The following ANKRD1 variants were observed in gnomAD, a reference collection of about 807,000 sequenced individuals.
ANKRD1 encodes ankyrin repeat domain-containing protein 1.
ANKRD1 carries 32 observed loss-of-function variants against 40.1 expected under a neutral mutation model. That is an observed-to-expected ratio of 0.80 (90% CI 0.60 to 1.07). ANKRD1 has a LOEUF of 1.07. Ranked by LOEUF, ANKRD1 falls within the 50% of genes least tolerant of loss-of-function variation. The probability of loss-of-function intolerance (pLI) is 0.00; values close to 1 mark genes in which losing one functional copy is unlikely to be tolerated. For synonymous variants in ANKRD1, 149 were observed against 141.2 expected, an observed-to-expected ratio of 1.06 and a Z score of -0.39; for missense variants, 359 against 386.0, an observed-to-expected ratio of 0.93 and a Z score of 0.59.
chr10:90,912,715 T>G lies in ANKRD1; in HGVS notation c.*151A>C. 1.3e-6 allele frequency: 1 copy of G among 762,328 alleles called. No individual in the cohort carries two copies. Among genetic ancestry groups the G allele is most frequent in the Non-Finnish European group, 2.3e-6 (1 of 428,230 alleles). The allele number at this position is 762,328 out of a possible 1,614,324, so 47.2% of individuals were successfully genotyped here. On this transcript the variant is annotated 3_prime_UTR_variant, in exon 9 of 9. Transcript: ENST00000371697. ...TTTCACTAAAGGAAATTTAAACACC[T>G]ATAACCCTGTGCTTTCTCAAAACTT...
chr10:90,913,899 G>A (rs1341206399), intron 8 of ANKRD1, among the ~76,000 whole-genome samples: 1 of 152,140 alleles, frequency 6.6e-6, no homozygotes, highest in Non-Finnish European at 1.5e-5. Flanking sequence ...TGGTTCCACA[G>A]AGCAACATAG....
At position 90,915,881 on chromosome 10, in the gene ANKRD1, C is replaced by T; in HGVS notation, c.652-1G>A. On this transcript the variant is annotated splice_acceptor_variant, in intron 6 of 8. Coordinates refer to ENST00000371697, the MANE Select transcript of ANKRD1 (RefSeq NM_014391.3). LOFTEE classifies it high-confidence loss of function. ...CCACATGCAGCGCTGTGCTGAGCAA[C>T]TGGAAAATTGGAAAACGCTGCTGAT... 1.2e-6 allele frequency: 2 copies of T among 1,606,020 alleles called. No homozygotes were observed. The highest frequency in any genetic ancestry group is 1.7e-6 in the Non-Finnish European group (2 of 1,177,750).
At chr10:90,913,379 TTTGA>T (rs1274297497) in intron 8 of ANKRD1, among the ~76,000 whole-genome samples, 1 of 152,230 alleles carries the variant, frequency 6.6e-6, no homozygotes, top group Non-Finnish European at 1.5e-5. Context: ...ATGATAGTTC[TTTGA>T]TTGATAAGAA....
chr10:90,913,237 A>G (rs985321183), intron 8 of ANKRD1, among the ~76,000 whole-genome samples: 3 of 152,184 alleles, frequency 2.0e-5, no homozygotes, highest in African/African-American at 7.2e-5. Flanking sequence ...CCTAGACACT[A>G]TGTGTCAAGA....
intron 3 of ANKRD1, 23 bp from the exon 4 acceptor site, chr10:90,918,995 T>A (rs772156397): frequency 1.5e-3 from 237 of 160,646 alleles, no homozygotes; most frequent in Middle Eastern, 6.2e-3. Flanking sequence ...TAAATAAATA[T>A]ATATATATAT....
intron 8 of ANKRD1, among the ~76,000 whole-genome samples, chr10:90,914,714 T>C (rs1847350818): frequency 1.5e-5 from 1 of 66,372 alleles, no homozygotes; most frequent in Admixed American, 1.7e-4. Flanking sequence ...GATGACTGAG[T>C]TTCCCTCCCC....
intron 2 of ANKRD1, among the ~76,000 whole-genome samples, chr10:90,919,515 C>G (rs901080946): frequency 2.6e-5 from 4 of 152,262 alleles, no homozygotes; most frequent in South Asian, 2.1e-4. Context: ...CAGCCCTTGA[C>G]CAATTGAGGA....
At chr10:90,916,133 G>T (rs1355491929) in intron 6 of ANKRD1, 38 bp downstream of exon 6, 11 of 1,240,940 alleles carry the variant, frequency 8.9e-6, no homozygotes, top group Non-Finnish European at 1.2e-5. Context: ...CAGGGAGGGG[G>T]AGGGGGTGAA....
chr10:90,920,217 C>A lies in ANKRD1; in HGVS notation c.159G>T (p.Val53=), dbSNP rs2120273681. Residue 53 remains valine (V), a synonymous_variant, in exon 2 of 9, where the codon GTG becomes GTT. Coordinates refer to ENST00000371697, the MANE Select transcript of ANKRD1 (RefSeq NM_014391.3). ...EDLKTLLAHP[V]TLGEQQWKSE... ...TTTTCCACTGTTGCTCCCCCAGGGT[C>A]ACAGGGTGGGCTAGAAGTGTCTTCA... is the stretch of plus-strand genomic sequence containing the variant. 7 of 1,614,072 alleles carry A rather than the reference C, an allele frequency of 4.3e-6. No individual in the cohort carries two copies. The Middle Eastern group carries it at 8.3e-4, about 191-fold the overall frequency.
chr10:90,912,881 G>T lies in ANKRD1; in HGVS notation c.945C>A (p.Arg315=). 1 of 1,613,872 alleles carries T rather than the reference G, an allele frequency of 6.2e-7. No homozygotes were observed. Among genetic ancestry groups the T allele is most frequent in the Non-Finnish European group, 8.5e-7 (1 of 1,179,778 alleles). The change falls in exon 9 of 9, where the codon CGC becomes CGA. Residue 315 remains arginine, a synonymous_variant. Transcript: ENST00000371697. ...GTCGTTTGCCTCAGAATGTAGCTAT[G>T]CGAGAGGTCTTGTAGGAGTTCTCTC... ...SLRENSYKTS[R]IATF
At chr10:90,915,354 C>G (rs1193236274) in intron 8 of ANKRD1, among the ~76,000 whole-genome samples, 189 bp downstream of exon 8, 1 of 152,240 alleles carries the variant, frequency 6.6e-6, no homozygotes, top group African/African-American at 2.4e-5. Context: ...TCTATGACTT[C>G]CCTCATCTCT....
At chr10:90,913,198 C>T (rs1847336110) in intron 8 of ANKRD1, among the ~76,000 whole-genome samples, 1 of 152,182 alleles carries the variant, frequency 6.6e-6, no homozygotes, top group Non-Finnish European at 1.5e-5. Flanking sequence ...CACGTGGGAC[C>T]ATCCCAGGTA....
At chr10:90,917,907 C>T (rs1040468342) in intron 4 of ANKRD1, 77 bp from the exon 5 acceptor site, 2 of 1,197,070 alleles carry the variant, frequency 1.7e-6, no homozygotes, top group Non-Finnish European at 2.4e-6. Flanking sequence ...AGCTATGAAG[C>T]TGGAGATTCT....
rs775935256 is a variant in ANKRD1, at chr10:90,920,317, G to A, written c.59C>T (p.Ala20Val). The change falls in exon 2 of 9, where the codon GCA becomes GTA. Residue 20 changes from alanine (A) to valine (V), a missense_variant. By Grantham distance (64) the Ala-to-Val change is moderately conservative (BLOSUM62 0). Coordinates refer to ENST00000371697, the MANE Select transcript of ANKRD1 (RefSeq NM_014391.3). ...GAAATCCTCAGGAAGGAATTCCCCT[G>A]CCTCCCCATTGCCATTCTTCTTTCC... ...VTGKKNGNGE[A>V]GEFLPEDFRD... The A allele has an allele frequency of 1.3e-5, 21 of 1,614,010 alleles. No individual in the cohort carries two copies. The highest frequency in any genetic ancestry group is 1.7e-5 in the Non-Finnish European group (20 of 1,180,018).
Position 90,912,609 on chromosome 10 carries a change from C to T in ANKRD1, c.*257G>A, listed in dbSNP as rs934590266. On this transcript the variant is annotated 3_prime_UTR_variant, in exon 9 of 9. Transcript: ENST00000371697. ...TATATACAAATGAAGCTCTGCTCAC[C>T]AGATGGATGATCATGAAGGTCTGAA... 3 of 419,022 alleles carry T rather than the reference C, an allele frequency of 7.2e-6. No homozygotes were observed. Among genetic ancestry groups the T allele is most frequent in the African/African-American group, 6.1e-5 (3 of 49,030 alleles). 26.0% of individuals were successfully genotyped at this position (419,022 alleles called of 1,614,324 possible).
chr10:90,920,374 C>G, intron 1 of ANKRD1, 26 bp from the exon 2 acceptor site: 1 of 1,613,356 alleles, frequency 6.2e-7, no homozygotes, highest in Non-Finnish European at 8.5e-7. Flanking sequence ...ATGGCAGCGT[C>G]AGAAGCAGCA....
intron 2 of ANKRD1, among the ~76,000 whole-genome samples, chr10:90,919,575 T>C (rs1000866410): frequency 4.6e-5 from 7 of 152,190 alleles, no homozygotes; most frequent in Admixed American, 3.9e-4. Flanking sequence ...CATAAGCAAG[T>C]CTTAGATTTT....
In ANKRD1 at chr10:90,918,950, G is replaced by A. The variant is rs145387010; in HGVS notation, c.368C>T (p.Thr123Met). 511 of 1,604,648 alleles carry A rather than the reference G, an allele frequency of 3.2e-4. 2 individuals are homozygous for A. Among genetic ancestry groups the A allele is most frequent in the Non-Finnish European group, 3.9e-4 (462 of 1,178,022 alleles). ...ATTCTCCAGAGCAGCCTTCAGAAAC[G>A]TAGGCACATCCACAGGTTCCGTCTA... ...EIITEPVDVP[T>M]FLKAALENKL... is the part of the protein sequence containing the mutation. The change falls in exon 4 of 9, where the codon ACG becomes ATG. Residue 123 changes from threonine (T) to methionine (M), a missense_variant. Physicochemically the swap from Thr to Met is moderately conservative, Grantham distance 81. Coordinates refer to ENST00000371697, the MANE Select transcript of ANKRD1 (RefSeq NM_014391.3).
rs763231739 is a variant in ANKRD1 at position 90,917,719 on chromosome 10, G to T, written c.552+13C>A. ...TTCTTTTGGCTCATTCCCAAGCAAA[G>T]AAATATATTTACCATATCACGGAAT... On this transcript the variant is annotated intron_variant, in intron 5 of 8. Coordinates refer to ENST00000371697, the MANE Select transcript of ANKRD1 (RefSeq NM_014391.3). 1.5e-5 allele frequency: 24 copies of T among 1,610,670 alleles called. No individual in the cohort carries two copies. The highest frequency in any genetic ancestry group is 8.9e-5 in the East Asian group (4 of 44,840).
Sources: allele counts gnomAD v4.1 joint callset (sites outside exome capture counted in the v4.1 genomes callset), GRCh38; gene constraint gnomAD v4.1.1; transcripts MANE v1.5; gene names NCBI Gene and HGNC (gene_info 2026-07-23, HGNC 2026-07-21).